LAMA3: variants seen among roughly 807,000 people sequenced by gnomAD.
The protein encoded by LAMA3 is laminin subunit alpha-3.
LAMA3 carries 281 observed loss-of-function variants against 402.0 expected under a neutral mutation model. That is an observed-to-expected ratio of 0.70 (90% CI 0.63 to 0.77). The LOEUF is 0.77. LAMA3 is among the 30% of genes least tolerant of loss of function. The pLI, the probability that LAMA3 is intolerant of heterozygous loss-of-function variation, is 0.00. For synonymous variants in LAMA3, 1,431 were observed against 1,558.4 expected (o/e 0.92, Z 1.93); for missense variants, 3,840 against 4,215.5 (o/e 0.91, Z 2.47).
intron 25 of LAMA3, 38 bp from the exon 26 acceptor site, chr18:23,838,743 A>C (rs2063635597): frequency 4.3e-6 from 5 of 1,168,104 alleles, no homozygotes; most frequent in Non-Finnish European, 6.5e-6. Context: ...TTTGCTGGTA[A>C]CTGCAATGTG....
chr18:23,710,589 T>C (rs2060973474), intron 1 of LAMA3, among the ~76,000 whole-genome samples: 1 of 152,156 alleles, frequency 6.6e-6, no homozygotes, highest in South Asian at 2.1e-4. Context: ...CACTTCTAGA[T>C]CCACAGTCTG....
At chr18:23,819,177 C>CT (rs11480167) in intron 18 of LAMA3, among the ~76,000 whole-genome samples, 115,787 of 146,112 alleles carry the variant, frequency 0.79, 46,411 homozygotes, top group African/African-American at 0.94. Flanking sequence ...GGCGAAGTGT[C>CT]TTTTTTTTTT....
chr18:23,766,839 AG>A (rs202104514), intron 8 of LAMA3, among the ~76,000 whole-genome samples: 109 of 150,640 alleles, frequency 7.2e-4, no homozygotes, highest in Admixed American at 6.6e-4. Flanking sequence ...ACTGTCTCAA[AG>A]AAAAAAAAAA....
At chr18:23,700,004 G>T (rs191962001) in intron 1 of LAMA3, among the ~76,000 whole-genome samples, 1 of 152,024 alleles carries the variant, frequency 6.6e-6, no homozygotes, top group African/African-American at 2.4e-5. Context: ...TAGTAATTAC[G>T]AAAATTAATC....
At position 23,931,116 on chromosome 18, in the gene LAMA3, G is replaced by A. The variant is rs758227162; in HGVS notation, c.8491G>A (p.Asp2831Asn). 1.1e-5 allele frequency: 17 copies of A among 1,613,104 alleles called. No homozygotes were observed. The highest frequency in any genetic ancestry group is 1.4e-5 in the Non-Finnish European group (16 of 1,179,152). ...EDGYIELSTS[D>N]SGGPIFKSPQ... ...TGGTTACATTGAATTGAGCACCAGC[G>A]ATAGCGGCGGCCCAATTTTTAAATC... The change falls in exon 65 of 75, where the codon GAT becomes AAT. Residue 2831 changes from aspartate to asparagine, a missense_variant. This residue lies in a region of LAMA3 where 840 missense variants were observed against 981.9 expected (regional missense o/e 0.86). Transcript: ENST00000313654.
chr18:23,794,176 T>C (rs2062718005), intron 12 of LAMA3, among the ~76,000 whole-genome samples: 2 of 152,114 alleles, frequency 1.3e-5, no homozygotes, highest in African/African-American at 2.4e-5. Flanking sequence ...CAGCATTCCT[T>C]CCTCCAGGGT....
chr18:23,780,950 A>G (rs1426963339), intron 11 of LAMA3, among the ~76,000 whole-genome samples: 2 of 152,226 alleles, frequency 1.3e-5, no homozygotes, highest in African/African-American at 2.4e-5. Context: ...AGAAGGAGCA[A>G]GATAGGAAGC....
At chr18:23,833,530 A>G (rs1363360888) in intron 23 of LAMA3, among the ~76,000 whole-genome samples, 1 of 152,240 alleles carries the variant, frequency 6.6e-6, no homozygotes, top group Non-Finnish European at 1.5e-5. Context: ...GGGTAGAAAT[A>G]GTAGAAGTTT....
At chr18:23,797,011 C>T (rs1207920302) in intron 12 of LAMA3, among the ~76,000 whole-genome samples, 1 of 152,136 alleles carries the variant, frequency 6.6e-6, no homozygotes, top group Non-Finnish European at 1.5e-5. Flanking sequence ...CTGGGGTCAG[C>T]CTCTGCTGGA....
In LAMA3 at chr18:23,825,934, C is replaced by G. The variant is rs2063374031; in HGVS notation, c.2572-768C>G. Among the ~76,000 whole-genome samples the G allele has an allele frequency of 2.0e-5, 3 of 152,124 alleles. No homozygotes were observed. In the South Asian group the frequency reaches 6.2e-4, roughly 32 times the overall value. ...CAAACTTACTAGTAGAACAGTAACC[C>G]TTTTAAAATTTAAACCTACTGAGTC... is the stretch of plus-strand genomic sequence containing the variant. On this transcript the variant is annotated intron_variant, in intron 21 of 74. Transcript: ENST00000313654.
intron 2 of LAMA3, among the ~76,000 whole-genome samples, chr18:23,715,933 G>A (rs2061090547): frequency 6.6e-6 from 1 of 152,168 alleles, no homozygotes; most frequent in Admixed American, 6.5e-5. Flanking sequence ...TTTTGTGACA[G>A]AAGGGCTTTC....
In LAMA3 at chr18:23,939,239, C is replaced by T. The variant is rs751028609; in HGVS notation, c.8879C>T (p.Pro2960Leu). 10 of 1,614,078 alleles carry T rather than the reference C, an allele frequency of 6.2e-6. No homozygotes were observed. The South Asian group carries it at 1.1e-4, about 18-fold the overall frequency. ...CCCATGCAGCTGTTGCAGGACACAC[C>T]AGTGGCCTCCCCAAGGAGCGTGAAG... ...FRINQLLQDT[P>L]VASPRSVKVW... The change falls in exon 68 of 75, where the codon CCA becomes CTA. Residue 2960 changes from proline to leucine, a missense_variant. Physicochemically the swap from Pro to Leu is moderately conservative, Grantham distance 98. Around this residue, in one of 3 missense-constraint regions of LAMA3, gnomAD observed 840 missense variants for 981.9 expected, o/e 0.86. Transcript: ENST00000313654.
intron 74 of LAMA3, among the ~76,000 whole-genome samples, 178 bp downstream of exon 74, chr18:23,953,287 A>G (rs923136621): frequency 2.1e-5 from 3 of 145,160 alleles, no homozygotes; most frequent in Non-Finnish European, 3.0e-5. Context: ...CCCAGGCCCC[A>G]TTACTGCTGT....
At chr18:23,704,332 C>T (rs2060847548) in intron 1 of LAMA3, among the ~76,000 whole-genome samples, 1 of 152,180 alleles carries the variant, frequency 6.6e-6, no homozygotes, top group Non-Finnish European at 1.5e-5. Context: ...TTTGATGTAG[C>T]TCACAAGAGC....
chr18:23,695,796 C>CAAAAAAAAAAAAAAAAAAAA lies in LAMA3; in HGVS notation c.294+5840_294+5859dup, dbSNP rs58873998. 7.8e-5 allele frequency among the ~76,000 whole-genome samples: 3 copies of CAAAAAAAAAAAAAAAAAAAA among 38,620 alleles called. 1 individual carries two copies. The highest frequency in any genetic ancestry group is 5.8e-4 in the Admixed American group (1 of 1,730). The allele number at this position is 38,620 out of a possible 152,430, so 25.3% of individuals were successfully genotyped here. A position where few individuals can be genotyped will look rare whatever the true frequency, so the allele number is the denominator to read the frequency against. On this transcript the variant is annotated intron_variant, in intron 1 of 74. Coordinates refer to ENST00000313654, the MANE Select transcript of LAMA3 (RefSeq NM_198129.4). ...TGGGTGACACAGCAAGACTCCATCT[C>CAAAAAAAAAAAAAAAAAAAA]AAAAAAAAAAAAAAAAAAAAAAAAA...
chr18:23,923,048 C>T (rs2081893414), intron 62 of LAMA3, among the ~76,000 whole-genome samples: 1 of 152,162 alleles, frequency 6.6e-6, no homozygotes, highest in African/African-American at 2.4e-5. Context: ...CAGCTGGGAC[C>T]TGAGAGATGC....
chr18:23,835,251 A>C lies in LAMA3; in HGVS notation c.2984+1263A>C, dbSNP rs571570743. ...GCTCTCCAGCTCCTTCCACCTCCAGATCCCATGGCTTGACTACTGTTGCTC... is the reference window on the plus strand; with the variant it reads ...GCTCTCCAGCTCCTTCCACCTCCAGCTCCCATGGCTTGACTACTGTTGCTC... On this transcript the variant is annotated intron_variant, in intron 24 of 74. Transcript: ENST00000313654. 3.9e-5 allele frequency among the ~76,000 whole-genome samples: 6 copies of C among 152,284 alleles called. No individual in the cohort carries two copies. In the South Asian group the frequency reaches 1.2e-3, roughly 32 times the overall value.
At chr18:23,789,413 C>T (rs1439708268) in intron 12 of LAMA3, among the ~76,000 whole-genome samples, 1 of 152,134 alleles carries the variant, frequency 6.6e-6, no homozygotes, top group Non-Finnish European at 1.5e-5. Context: ...AATGGGGAAA[C>T]AACCCATATG....
At chr18:23,886,742 A>C (rs187239560) in intron 41 of LAMA3, among the ~76,000 whole-genome samples, 3 of 152,270 alleles carry the variant, frequency 2.0e-5, no homozygotes, top group Non-Finnish European at 4.4e-5. Context: ...GAATTCAACC[A>C]GATTTCAAGT....
Sources: gnomAD v4.1 joint callset for allele counts (sites outside exome capture counted in the v4.1 genomes callset) on GRCh38, gnomAD v4.1.1 for gene constraint, gnomAD v4.1.1 regional missense constraint, MANE v1.5 for transcripts, NCBI Gene and HGNC (gene_info 2026-07-23, HGNC 2026-07-21) for gene names.